PAQR7: variants seen among roughly 807,000 people sequenced by gnomAD.
The protein encoded by PAQR7 is progestin and adipoQ receptor family member 7.
Under a neutral mutation model 24.6 loss-of-function variants are expected in PAQR7, and 14 were observed. The ratio of observed to expected loss-of-function variants is 0.57; its 90% CI spans 0.38 to 0.89. PAQR7 has a LOEUF of 0.89. PAQR7 is among the 40% of genes least tolerant of loss of function. The pLI, the probability that PAQR7 is intolerant of heterozygous loss-of-function variation, is 0.00. For synonymous variants in PAQR7, 189 were observed against 198.8 expected, an observed-to-expected ratio of 0.95 and a Z score of 0.42; for missense variants, 351 against 444.0, an observed-to-expected ratio of 0.79 and a Z score of 1.88.
At chr1:25,873,289 C>A (rs1027926572) in intron 1 of PAQR7, among the ~76,000 whole-genome samples, 1 of 152,236 alleles carries the variant, frequency 6.6e-6, no homozygotes, top group Non-Finnish European at 1.5e-5. Context: ...ATCTATCTGA[C>A]TCCAAAACCA....
chr1:25,868,279 C>T (rs1288467066), intron 2 of PAQR7, among the ~76,000 whole-genome samples: 2 of 152,208 alleles, frequency 1.3e-5, no homozygotes, highest in African/African-American at 2.4e-5. Context: ...TCCACTACTG[C>T]GGCAAAGACC....
intron 1 of PAQR7, among the ~76,000 whole-genome samples, chr1:25,873,031 C>T (rs748510884): frequency 6.6e-6 from 1 of 152,138 alleles, no homozygotes; most frequent in South Asian, 2.1e-4. Context: ...CCATTAGATA[C>T]AAATAATAAG....
chr1:25,869,114 G>A (rs1176133746), intron 2 of PAQR7, among the ~76,000 whole-genome samples: 2 of 152,010 alleles, frequency 1.3e-5, no homozygotes, highest in African/African-American at 2.4e-5. Context: ...GCAACAGAGT[G>A]AGACTCCATC....
At position 25,863,567 on chromosome 1, in the gene PAQR7, G is replaced by A. The variant is rs1320911758; in HGVS notation, c.273C>T (p.Leu91=). 7.4e-6 allele frequency: 12 copies of A among 1,614,118 alleles called. No individual in the cohort carries two copies. Among genetic ancestry groups the A allele is most frequent in the Non-Finnish European group, 9.3e-6 (11 of 1,180,044 alleles). ...AALVLLLRLA[L]FVETVDFWGD... ...CCCAGAAGTCCACGGTCTCCACAAA[G>A]AGGGCCAGCCGCAGCAGCAGTACCA... The change falls in exon 3 of 3, where the codon CTC becomes CTT. Residue 91 remains leucine (L), a synonymous_variant. Transcript: ENST00000675840. The surrounding 1 kb of genome is among the most constrained non-coding windows in gnomAD (Gnocchi z 6.1).
chr1:25,874,200 A>AACAGGGTCT (rs2048628989), intron 1 of PAQR7, among the ~76,000 whole-genome samples: 1 of 98,236 alleles, frequency 1.0e-5, no homozygotes, highest in Non-Finnish European at 2.2e-5. Context: ...TTTTTTTTTA[A>AACAGGGTCT]ACAGGGTCTA....
At chr1:25,868,645 G>C (rs1260866692) in intron 2 of PAQR7, among the ~76,000 whole-genome samples, 1 of 150,836 alleles carries the variant, frequency 6.6e-6, no homozygotes, top group Non-Finnish European at 1.5e-5. Context: ...CAGAGGCAGA[G>C]GTTGCCGGGA....
At chr1:25,868,709 C>CAAAAAAAAAAAAAAAAAA (rs35304131) in intron 2 of PAQR7, among the ~76,000 whole-genome samples, 1 of 89,750 alleles carries the variant, frequency 1.1e-5, no homozygotes, top group Non-Finnish European at 2.4e-5. Flanking sequence ...GACCCTTTCT[C>CAAAAAAAAAAAAAAAAAA]AAAAAAAAAA....
In PAQR7 at chr1:25,863,432, G is replaced by A. The variant is rs1421854906; in HGVS notation, c.408C>T (p.Tyr136=). The A allele has an allele frequency of 1.2e-6, 2 of 1,614,132 alleles. No homozygotes were observed. The highest frequency in any genetic ancestry group is 8.5e-7 in the Non-Finnish European group (1 of 1,180,058). Residue 136 remains tyrosine (Y), a synonymous_variant, in exon 3 of 3, where the codon TAC becomes TAT. Coordinates refer to ENST00000675840, the MANE Select transcript of PAQR7 (RefSeq NM_178422.6). This position sits in a 1 kb window ranked among gnomAD's most constrained non-coding sequence, Gnocchi z 6.1. The stretch of plus-strand genomic sequence containing the variant: ...CCACATAGTCCAGGAAGAAGAAGCT[G>A]TAATGCCAGAACTCAGACTTGGCCT... The part of the protein sequence containing the change: ...LLQAKSEFWH[Y]SFFFLDYVGV...
chr1:25,863,194 G>C lies in PAQR7; in HGVS notation c.646C>G (p.Leu216Val). The change falls in exon 3 of 3, where the codon CTG becomes GTG. Residue 216 changes from leucine to valine, a missense_variant. Physicochemically the swap from Leu to Val is conservative, Grantham distance 32 (BLOSUM62 1). Transcript: ENST00000675840. The surrounding 1 kb of genome is among the most constrained non-coding windows in gnomAD (Gnocchi z 6.1). ...QEVPSVLAYA[L>V]DISPVVHRIF... ...CGATGCACCACAGGACTAATGTCCA[G>C]TGCGTAGGCCAGGACGGAGGGCACC... The C allele has an allele frequency of 6.2e-7, 1 of 1,614,242 alleles. No individual in the cohort carries two copies. Among genetic ancestry groups the C allele is most frequent in the Non-Finnish European group, 8.5e-7 (1 of 1,180,050 alleles).
intron 2 of PAQR7, among the ~76,000 whole-genome samples, chr1:25,867,862 G>A (rs1011663094): frequency 1.3e-5 from 2 of 152,254 alleles, no homozygotes; most frequent in South Asian, 4.1e-4. Flanking sequence ...TGGGGAAGCA[G>A]GAGTCGTTAC....
intron 1 of PAQR7, chr1:25,870,910 C>T (rs2048598124): frequency 2.0e-5 from 3 of 152,188 alleles, no homozygotes; most frequent in African/African-American, 7.2e-5. Flanking sequence ...TCATAGGTTG[C>T]TGTAAAGATT....
chr1:25,864,021 C>G (rs1470579528), intron 2 of PAQR7, among the ~76,000 whole-genome samples, 160 bp from the exon 3 acceptor site: 1 of 152,206 alleles, frequency 6.6e-6, no homozygotes, highest in East Asian at 1.9e-4. Flanking sequence ...AATTCCTCAT[C>G]TCTGACCTCA....
Position 25,863,217 on chromosome 1 carries a change from A to G in PAQR7, c.623T>C (p.Val208Ala). ...CAGTGCGTAGGCCAGGACGGAGGGC[A>G]CCTCCTGGCATGTGCGGCCCAGCAG... Reference protein sequence around the residue: ...PGLLGRTCQEVPSVLAYALDI... With the variant: ...PGLLGRTCQEAPSVLAYALDI... The change falls in exon 3 of 3, where the codon GTG becomes GCG. Residue 208 changes from valine to alanine, a missense_variant. Val to Ala is a moderately conservative substitution (Grantham distance 64). Coordinates refer to ENST00000675840, the MANE Select transcript of PAQR7 (RefSeq NM_178422.6). This position sits in a 1 kb window ranked among gnomAD's most constrained non-coding sequence, Gnocchi z 6.1. The G allele has an allele frequency of 6.2e-7, 1 of 1,614,198 alleles. No individual in the cohort carries two copies. Among genetic ancestry groups the G allele is most frequent in the Non-Finnish European group, 8.5e-7 (1 of 1,180,040 alleles).
chr1:25,873,302 G>A (rs986341029), intron 1 of PAQR7, among the ~76,000 whole-genome samples: 2 of 152,256 alleles, frequency 1.3e-5, no homozygotes, highest in African/African-American at 4.8e-5. Context: ...CAAAACCAGC[G>A]CTCTTGCCCT....
intron 2 of PAQR7, among the ~76,000 whole-genome samples, chr1:25,868,114 G>A (rs1174683001): frequency 6.6e-6 from 1 of 152,160 alleles, no homozygotes; most frequent in Non-Finnish European, 1.5e-5. Flanking sequence ...CCCCACTCTT[G>A]TCCACAACTT....
At position 25,875,091 on chromosome 1, in the gene PAQR7, C is replaced by G. The variant is rs575878727; in HGVS notation, c.-109+397G>C. Among the ~76,000 whole-genome samples the G allele has an allele frequency of 6.6e-6, 1 of 152,312 alleles. No individual in the cohort carries two copies. Among genetic ancestry groups the G allele is most frequent in the South Asian group, 2.1e-4 (1 of 4,828 alleles). ...CAGCGGCCTTGCCCGGGCCAGACGC[C>G]CCTACCCACTCCCTGCCCTCCATCC... On this transcript the variant is annotated intron_variant, in intron 1 of 2. Coordinates refer to ENST00000675840, the MANE Select transcript of PAQR7 (RefSeq NM_178422.6). This position sits in a 1 kb window ranked among gnomAD's most constrained non-coding sequence, Gnocchi z 5.4.
At chr1:25,871,745 C>T (rs1027178521) in intron 1 of PAQR7, among the ~76,000 whole-genome samples, 1 of 152,224 alleles carries the variant, frequency 6.6e-6, no homozygotes, top group Admixed American at 6.5e-5. Context: ...GAGGGAGAGC[C>T]CTGGGTTACC....
rs1400449917 is a variant in PAQR7, at chr1:25,863,080, A to C, written c.760T>G (p.Phe254Val). Reference protein sequence around the residue: ...QVVFFLLAAAFFSTFMPERWF... With the variant: ...QVVFFLLAAAVFSTFMPERWF... ...CGCTCGGGCATGAAGGTAGAGAAGA[A>C]GGCAGCAGCCAGCAGAAAGAAGACC... is the stretch of plus-strand genomic sequence containing the variant. The change falls in exon 3 of 3, where the codon TTC becomes GTC. Residue 254 changes from phenylalanine to valine, a missense_variant. By Grantham distance (50) the Phe-to-Val change is conservative. Transcript: ENST00000675840. This position sits in a 1 kb window ranked among gnomAD's most constrained non-coding sequence, Gnocchi z 6.1. The C allele has an allele frequency of 6.2e-7, 1 of 1,614,090 alleles. No homozygotes were observed. Among genetic ancestry groups the C allele is most frequent in the Admixed American group, 1.7e-5 (1 of 60,028 alleles).
In PAQR7 at chr1:25,867,048, T is replaced by C. The variant is rs565777267; in HGVS notation, c.-22-3187A>G. Among the ~76,000 whole-genome samples, 5 of 150,664 alleles carry C rather than the reference T, an allele frequency of 3.3e-5. No homozygotes were observed. In the East Asian group the frequency reaches 7.9e-4, roughly 24 times the overall value. ...ACCCAGCCTTGTTTTGTTTTTAAGATAGCGTCTTGCTCTGTCCCCCAGGTT... is the reference window on the plus strand; with the variant it reads ...ACCCAGCCTTGTTTTGTTTTTAAGACAGCGTCTTGCTCTGTCCCCCAGGTT... On this transcript the variant is annotated intron_variant, in intron 2 of 2. Transcript: ENST00000675840.
Sources: allele counts gnomAD v4.1 joint callset (sites outside exome capture counted in the v4.1 genomes callset), GRCh38; gene constraint gnomAD v4.1.1; non-coding constraint Gnocchi (gnomAD v3.1); transcripts MANE v1.5; gene names NCBI Gene and HGNC (gene_info 2026-07-23, HGNC 2026-07-21).